Variants in INTU observed in about 807,000 individuals in gnomAD.
The protein encoded by INTU is inturned planar cell polarity protein.
Under a neutral mutation model 100.5 loss-of-function variants are expected in INTU, and 68 were observed. The ratio of observed to expected loss-of-function variants is 0.68; its 90% CI spans 0.56 to 0.83. The LOEUF (loss-of-function observed/expected upper bound fraction) is 0.83, where lower values mean the gene tolerates loss of function less well. Ranked by LOEUF, INTU falls within the 40% of genes least tolerant of loss-of-function variation. The pLI is 0.00. For synonymous variants in INTU, 357 were observed against 395.7 expected, an observed-to-expected ratio of 0.90 and a Z score of 1.16; for missense variants, 1,071 against 1,114.7, an observed-to-expected ratio of 0.96 and a Z score of 0.56.
chr4:127,649,321 T>G (rs1325436938), intron 2 of INTU, among the ~76,000 whole-genome samples: 1 of 152,164 alleles, frequency 6.6e-6, no homozygotes, highest in Non-Finnish European at 1.5e-5. Context: ...GAAACATATC[T>G]CTGTTGTCCA....
At position 127,725,162 on chromosome 4, in the gene INTU, C is replaced by A. The variant is rs1389112529; in HGVS notation, c.*8726C>A. ...AAAAAAAAAAAAAAAAAAAAATTAG[C>A]CGGGCATGGTGGCAGGTGCCTGAAG... On this transcript the variant is annotated 3_prime_UTR_variant, in exon 16 of 16. Transcript: ENST00000335251. 1 of 150,024 alleles carries A rather than the reference C, an allele frequency of 6.7e-6. No homozygotes were observed. The highest frequency in any genetic ancestry group is 2.5e-5 in the African/African-American group (1 of 39,556). The allele number at this position is 150,024 out of a possible 1,614,324, so 9.3% of individuals were successfully genotyped here.
rs545945494 is a variant in INTU at position 127,725,439 on chromosome 4, A to G, written c.*9003A>G. Reference sequence around the variant, plus strand: ...GTATTAAGACACTTTGGTTAAAACAATTTATTAAATGTCTTAAATTTCTGG... The same window carrying G: ...GTATTAAGACACTTTGGTTAAAACAGTTTATTAAATGTCTTAAATTTCTGG... On this transcript the variant is annotated 3_prime_UTR_variant, in exon 16 of 16. Coordinates refer to ENST00000335251, the MANE Select transcript of INTU (RefSeq NM_015693.4). 3.3e-5 allele frequency: 5 copies of G among 152,374 alleles called. No individual in the cohort carries two copies. Among genetic ancestry groups the G allele is most frequent in the East Asian group, 1.9e-4 (1 of 5,192 alleles). 9.4% of individuals were successfully genotyped at this position (152,374 alleles called of 1,614,324 possible). A position where few individuals can be genotyped will look rare whatever the true frequency, so the allele number is the denominator to read the frequency against.
At chr4:127,711,225 T>A in intron 14 of INTU, 123 bp downstream of exon 14, 2 of 668,526 alleles carry the variant, frequency 3.0e-6, no homozygotes, top group Non-Finnish European at 2.3e-6. Context: ...AATAGTCACT[T>A]AATCTAACGT....
At chr4:127,685,502 C>G in intron 7 of INTU, 1 of 455,032 alleles carries the variant, frequency 2.2e-6, no homozygotes, top group Non-Finnish European at 4.4e-6. Flanking sequence ...TTGCAGTGTT[C>G]TCTAGAGGAA....
At chr4:127,701,286 C>T (rs1052169378) in intron 9 of INTU, among the ~76,000 whole-genome samples, 1 of 152,022 alleles carries the variant, frequency 6.6e-6, no homozygotes, top group African/African-American at 2.4e-5. Flanking sequence ...AAAAGGCTGG[C>T]GTGAGGTGGG....
Position 127,726,173 on chromosome 4 carries a change from T to C in INTU, c.*9737T>C, listed in dbSNP as rs1196618615. On this transcript the variant is annotated 3_prime_UTR_variant, in exon 16 of 16. Transcript: ENST00000335251. ...TCTCTCCCTCTCCCCTTTCTTTAGC[T>C]CTTGTTTGTGTCTTGCCAAAGAAGT... 1 of 152,210 alleles carries C rather than the reference T, an allele frequency of 6.6e-6. No homozygotes were observed. Among genetic ancestry groups the C allele is most frequent in the East Asian group, 1.9e-4 (1 of 5,200 alleles). 9.4% of individuals were successfully genotyped at this position (152,210 alleles called of 1,614,324 possible).
chr4:127,644,288 A>C (rs565079862), intron 2 of INTU, among the ~76,000 whole-genome samples: 19 of 152,320 alleles, frequency 1.2e-4, no homozygotes, highest in African/African-American at 4.3e-4. Context: ...CAGGCCAAGA[A>C]ATAGCTTACC....
chr4:127,643,959 C>T lies in INTU; in HGVS notation c.585C>T (p.Ser195=), dbSNP rs987806057. 6.2e-7 allele frequency: 1 copy of T among 1,614,084 alleles called. No homozygotes were observed. The highest frequency in any genetic ancestry group is 8.5e-7 in the Non-Finnish European group (1 of 1,179,986). Residue 195 remains serine, a synonymous_variant, in exon 2 of 16, where the codon AGC becomes AGT. Coordinates refer to ENST00000335251, the MANE Select transcript of INTU (RefSeq NM_015693.4). ...GAATTATTCATCAGACCAAGTGGAG[C>T]TGGAGAAGAACCGGAAAGCAGGGTG... ...LVGIIHQTKW[S]WRRTGKQGDG...
At chr4:127,657,780 T>C (rs1380222312) in intron 3 of INTU, among the ~76,000 whole-genome samples, 2 of 151,978 alleles carry the variant, frequency 1.3e-5, no homozygotes, top group Non-Finnish European at 2.9e-5. Context: ...GGAAAACAGA[T>C]TCAGGGTTCC....
chr4:127,699,961 CT>C (rs779363545), intron 8 of INTU, 48 bp from the exon 9 acceptor site: 1 of 1,410,838 alleles, frequency 7.1e-7, no homozygotes, highest in East Asian at 2.5e-5. Flanking sequence ...AAAAAAGTAA[CT>C]AATATGAGTC....
At chr4:127,666,855 TG>T in intron 4 of INTU, among the ~76,000 whole-genome samples, 1 of 152,328 alleles carries the variant, frequency 6.6e-6, no homozygotes, top group Admixed American at 6.5e-5. Flanking sequence ...CCTTCCAGTC[TG>T]TATTCTCAAT....
chr4:127,675,365 A>G (rs1006148690), intron 6 of INTU, among the ~76,000 whole-genome samples: 4 of 152,208 alleles, frequency 2.6e-5, no homozygotes, highest in Non-Finnish European at 4.4e-5. Flanking sequence ...AGAAAGATGC[A>G]TTATCTAGCC....
rs534264572 is a variant in INTU at position 127,636,440 on chromosome 4, A to G, written c.146+3260A>G. 7.9e-4 allele frequency among the ~76,000 whole-genome samples: 120 copies of G among 151,836 alleles called. 5 individuals are homozygous for G. In the South Asian group the frequency reaches 0.025, roughly 31 times the overall value. On this transcript the variant is annotated intron_variant, in intron 1 of 15. Coordinates refer to ENST00000335251, the MANE Select transcript of INTU (RefSeq NM_015693.4). ...AGCCTGGCCAATATGGTGAAACCCCATCTCTACTAAAGATACAAAAAATTA... is the reference window on the plus strand; with the variant it reads ...AGCCTGGCCAATATGGTGAAACCCCGTCTCTACTAAAGATACAAAAAATTA...
Position 127,644,211 on chromosome 4 carries a change from G to T in INTU, c.682+155G>T, listed in dbSNP as rs575011048. Among the ~76,000 whole-genome samples, 123 of 152,348 alleles carry T rather than the reference G, an allele frequency of 8.1e-4. 1 individual carries two copies. Among genetic ancestry groups the T allele is most frequent in the African/African-American group, 2.9e-3 (119 of 41,588 alleles). On this transcript the variant is annotated intron_variant, in intron 2 of 15. Coordinates refer to ENST00000335251, the MANE Select transcript of INTU (RefSeq NM_015693.4). ...TACAGTAGAGAAATGGTTACACATG[G>T]TGCACTACAAGGCACAGTGTTCTTA... is the stretch of plus-strand genomic sequence containing the variant.
At chr4:127,661,354 A>T (rs1728467671) in intron 3 of INTU, among the ~76,000 whole-genome samples, 1 of 152,090 alleles carries the variant, frequency 6.6e-6, no homozygotes, top group Admixed American at 6.6e-5. Flanking sequence ...AGACTTAAAA[A>T]TTTCCCTTTT....
At chr4:127,650,213 GTTTTAATT>G (rs1727780132) in intron 2 of INTU, among the ~76,000 whole-genome samples, 1 of 151,876 alleles carries the variant, frequency 6.6e-6, no homozygotes, top group Non-Finnish European at 1.5e-5. Flanking sequence ...GTTTTGTTTT[GTTTTAATT>G]TTTTAATTTT....
In INTU at chr4:127,700,067, A is replaced by G; in HGVS notation, c.1503+4A>G. The G allele has an allele frequency of 6.2e-7, 1 of 1,601,824 alleles. No individual in the cohort carries two copies. Among genetic ancestry groups the G allele is most frequent in the Middle Eastern group, 1.7e-4 (1 of 6,016 alleles). ...GGCTGCAGATTTTGCAGAACTGGTA[A>G]GGGAAGGAGTGGATTTTATAAAAGG... On this transcript the variant is annotated splice_donor_region_variant and intron_variant, in intron 9 of 15. Transcript: ENST00000335251.
Position 127,726,101 on chromosome 4 carries a change from T to C in INTU, c.*9665T>C, listed in dbSNP as rs1484735294. 2.0e-5 allele frequency: 3 copies of C among 152,206 alleles called. No homozygotes were observed. The allele number at this position is 152,206 out of a possible 1,614,324, so 9.4% of individuals were successfully genotyped here. On this transcript the variant is annotated 3_prime_UTR_variant, in exon 16 of 16. Coordinates refer to ENST00000335251, the MANE Select transcript of INTU (RefSeq NM_015693.4). ...TTTTAAAATATCAAATACTGTCTCA[T>C]TATCATATGTTTAGCCCCCCCAAAA...
rs188972552 is a variant in INTU, at chr4:127,676,147, G to A, written c.1181+1934G>A. The A allele has an allele frequency of 3.0e-3, 488 of 164,778 alleles. 3 individuals carry two copies. Among genetic ancestry groups the A allele is most frequent in the African/African-American group, 0.011 (444 of 41,986 alleles). 10.2% of individuals were successfully genotyped at this position (164,778 alleles called of 1,614,324 possible). A position where few individuals can be genotyped will look rare whatever the true frequency, so the allele number is the denominator to read the frequency against. On this transcript the variant is annotated intron_variant, in intron 6 of 15. Transcript: ENST00000335251. ...TCTTTTTACATGGAGGGATAATGGC[G>A]CTGTGACATATACTAGATGAGGGCA... is the stretch of plus-strand genomic sequence containing the variant.
Sources: gnomAD v4.1 joint callset for allele counts (sites outside exome capture counted in the v4.1 genomes callset) on GRCh38, gnomAD v4.1.1 for gene constraint, MANE v1.5 for transcripts, NCBI Gene and HGNC (gene_info 2026-07-23, HGNC 2026-07-21) for gene names.